AGBL1: variants seen among roughly 807,000 people sequenced by gnomAD.
AGBL1 encodes the protein cytosolic carboxypeptidase 4.
Under a neutral mutation model 118.9 loss-of-function variants are expected in AGBL1, and 130 were observed. The ratio of observed to expected loss-of-function variants is 1.09; its 90% CI spans 0.95 to 1.26. The LOEUF is 1.26. Ranked by LOEUF, AGBL1 falls within the 50% of genes most tolerant of loss-of-function variation. The probability of loss-of-function intolerance (pLI) is 0.00; values close to 1 mark genes in which losing one functional copy is unlikely to be tolerated. For synonymous variants in AGBL1, 555 were observed against 478.9 expected (o/e 1.16, Z -2.08); for missense variants, 1,584 against 1,298.1 (o/e 1.22, Z -3.38).
intron 22 of AGBL1, among the ~76,000 whole-genome samples, chr15:86,809,437 AC>A (rs1208309293): frequency 1.3e-5 from 2 of 152,114 alleles, no homozygotes; most frequent in Non-Finnish European, 2.9e-5. Flanking sequence ...CTATTCCATA[AC>A]CAGGATTCTT....
intron 21 of AGBL1, among the ~76,000 whole-genome samples, chr15:86,671,240 C>A (rs561970024): frequency 2.6e-5 from 4 of 152,174 alleles, no homozygotes; most frequent in Admixed American, 2.6e-4. Context: ...GTTGCTGGAG[C>A]CATAGCAACC....
intron 22 of AGBL1, among the ~76,000 whole-genome samples, chr15:86,873,909 G>A (rs1177910166): frequency 6.6e-6 from 1 of 152,158 alleles, no homozygotes; most frequent in Non-Finnish European, 1.5e-5. Context: ...GATCTTAACA[G>A]TAGTAGTTAT....
At position 86,262,796 on chromosome 15, in the gene AGBL1, G is replaced by C. The variant is rs1245449217; in HGVS notation, c.988G>C (p.Asp330His). ...ATTTTAGGATGATGACTTGGAAACA[G>C]ACGTGAACAAGCTGAGTTCCAAACC... ...GKVEDDDLET[D>H]VNKLSSKPGL... is the part of the protein sequence containing the mutation. The change falls in exon 10 of 23, where the codon GAC becomes CAC. Residue 330 changes from aspartate (D) to histidine (H), a missense_variant. By Grantham distance (81) the Asp-to-His change is moderately conservative. Transcript: ENST00000614907. 1 of 1,607,446 alleles carries C rather than the reference G, an allele frequency of 6.2e-7. No homozygotes were observed. Among genetic ancestry groups the C allele is most frequent in the Non-Finnish European group, 8.5e-7 (1 of 1,176,246 alleles).
In AGBL1 at chr15:86,581,013, T is replaced by A. The variant is rs558220604; in HGVS notation, c.2994+26476T>A. On this transcript the variant is annotated intron_variant, in intron 21 of 22. Coordinates refer to ENST00000614907, the MANE Select transcript of AGBL1 (RefSeq NM_001386094.1). ...TGCAGCCCTAGAAATAAGATCTTCA[T>A]ATGGAAACTTTCCTTCACTCACTCC... Among the ~76,000 whole-genome samples, 3 of 152,316 alleles carry A rather than the reference T, an allele frequency of 2.0e-5. No homozygotes were observed. In the South Asian group the frequency reaches 6.2e-4, roughly 32 times the overall value.
chr15:86,867,788 C>A (rs1039937968), intron 22 of AGBL1, among the ~76,000 whole-genome samples: 2 of 152,146 alleles, frequency 1.3e-5, no homozygotes, highest in African/African-American at 4.8e-5. Context: ...GCAGCTGTAA[C>A]TTAAAGCTGA....
chr15:86,564,076 CT>C (rs1468130283), intron 21 of AGBL1, among the ~76,000 whole-genome samples: 1 of 152,136 alleles, frequency 6.6e-6, no homozygotes, highest in Non-Finnish European at 1.5e-5. Flanking sequence ...GGTCTTGACT[CT>C]TTATCCAATT....
At chr15:87,028,792 A>C (rs751843427) in intron 24 of AGBL1, 1 of 1,594,694 alleles carries the variant, frequency 6.3e-7, no homozygotes, top group South Asian at 1.1e-5. Context: ...GGCTTCAAGC[A>C]TAGTAATTAA....
At position 86,258,684 on chromosome 15, in the gene AGBL1, A is replaced by T. The variant is rs931518942; in HGVS notation, c.969+653A>T. On this transcript the variant is annotated intron_variant, in intron 9 of 22. Coordinates refer to ENST00000614907, the MANE Select transcript of AGBL1 (RefSeq NM_001386094.1). ...ACAAAACAGCTATAGACAATTTGTA[A>T]ACAAATGGGCATGGCTGTGTTCCAA... 4.6e-5 allele frequency among the ~76,000 whole-genome samples: 7 copies of T among 152,178 alleles called. No individual in the cohort carries two copies. The East Asian group carries it at 7.7e-4, about 17-fold the overall frequency.
intron 18 of AGBL1, among the ~76,000 whole-genome samples, chr15:86,504,017 G>A: frequency 6.6e-6 from 1 of 151,508 alleles, no homozygotes; most frequent in East Asian, 1.9e-4. Flanking sequence ...ACTGAAAGTG[G>A]GGAACTGAAA....
chr15:86,242,724 A>G (rs1198803352), intron 6 of AGBL1, among the ~76,000 whole-genome samples: 1 of 152,208 alleles, frequency 6.6e-6, no homozygotes, highest in African/African-American at 2.4e-5. Context: ...ACTGCTCCCA[A>G]AAAGGATAAG....
At chr15:86,614,946 A>C (rs916075812) in intron 21 of AGBL1, among the ~76,000 whole-genome samples, 1 of 152,166 alleles carries the variant, frequency 6.6e-6, no homozygotes, top group Non-Finnish European at 1.5e-5. Context: ...CCAGGCAGTG[A>C]AGGTAGTTTA....
chr15:86,165,482 G>C (rs1275982134), intron 5 of AGBL1, among the ~76,000 whole-genome samples: 1 of 152,166 alleles, frequency 6.6e-6, no homozygotes, highest in African/African-American at 2.4e-5. Flanking sequence ...AGATGAGTGA[G>C]ACTCAGCCAG....
intron 18 of AGBL1, among the ~76,000 whole-genome samples, chr15:86,494,969 A>T (rs1345969284): frequency 6.6e-6 from 1 of 151,658 alleles, no homozygotes; most frequent in Non-Finnish European, 1.5e-5. Flanking sequence ...TAAATAACAT[A>T]TTGTAGATAA....
intron 22 of AGBL1, among the ~76,000 whole-genome samples, chr15:86,738,604 C>T (rs891260826): frequency 7.2e-5 from 11 of 152,162 alleles, no homozygotes; most frequent in Non-Finnish European, 1.3e-4. Flanking sequence ...TCATCCGTTA[C>T]GCATTATTGT....
intron 18 of AGBL1, among the ~76,000 whole-genome samples, chr15:86,486,255 G>A (rs1385589847): frequency 6.6e-6 from 1 of 152,018 alleles, no homozygotes; most frequent in Non-Finnish European, 1.5e-5. Flanking sequence ...TTTAGCTCTC[G>A]ATTTCTTGGC....
Position 86,295,426 on chromosome 15 carries a change from C to T in AGBL1, c.2374+18C>T. 1 of 1,537,676 alleles carries T rather than the reference C, an allele frequency of 6.5e-7. No homozygotes were observed. The highest frequency in any genetic ancestry group is 8.7e-7 in the Non-Finnish European group (1 of 1,145,660). ...GCAGTTCCGTGAGTAAAATGGGATC[C>T]TCTTCGTAGAAGATTTGACTAAGGG... On this transcript the variant is annotated intron_variant, in intron 17 of 22. Coordinates refer to ENST00000614907, the MANE Select transcript of AGBL1 (RefSeq NM_001386094.1).
chr15:86,648,219 G>A (rs529785579), intron 21 of AGBL1, among the ~76,000 whole-genome samples: 1 of 152,152 alleles, frequency 6.6e-6, no homozygotes, highest in Non-Finnish European at 1.5e-5. Flanking sequence ...GACAGGAAGG[G>A]GAGGGCAAGA....
At chr15:86,866,919 A>C (rs1202872507) in intron 22 of AGBL1, among the ~76,000 whole-genome samples, 3 of 152,216 alleles carry the variant, frequency 2.0e-5, no homozygotes, top group Non-Finnish European at 4.4e-5. Flanking sequence ...AGAGAGTATC[A>C]GTAGAGCATT....
At chr15:86,828,078 T>G (rs996008579) in intron 22 of AGBL1, among the ~76,000 whole-genome samples, 7 of 151,154 alleles carry the variant, frequency 4.6e-5, no homozygotes, top group African/African-American at 1.7e-4. Flanking sequence ...TAAGCATGAC[T>G]ACAAATACAT....
Sources: allele counts gnomAD v4.1 joint callset (sites outside exome capture counted in the v4.1 genomes callset), GRCh38; gene constraint gnomAD v4.1.1; transcripts MANE v1.5; gene names NCBI Gene and HGNC (gene_info 2026-07-23, HGNC 2026-07-21).